The following RANBP2 variants were observed in gnomAD, a reference collection of about 807,000 sequenced individuals.
RANBP2 encodes the protein RAN binding protein 2.
RANBP2 carries 57 observed loss-of-function variants against 303.6 expected under a neutral mutation model. The observed-to-expected ratio is 0.19, with a 90% CI of 0.15 to 0.23. The LOEUF (loss-of-function observed/expected upper bound fraction) is 0.23, where lower values mean the gene tolerates loss of function less well. RANBP2 is among the 10% of genes least tolerant of loss of function. The pLI is 1.00. For missense variants in RANBP2, 3,138 were observed against 3,780.8 expected (o/e 0.83, Z 4.46); for synonymous variants, 1,167 against 1,301.5 (o/e 0.90, Z 2.23).
chr2:109,614,675 C>T, the RANBP2 span: 41 of 1,485,694 alleles, frequency 2.8e-5, 1 homozygote, highest in East Asian at 1.1e-3. Context: ...TGGTGAACGC[C>T]GTGGCCACTG....
chr2:109,290,380 G>C, the RANBP2 span, among the ~76,000 whole-genome samples: 1 of 152,220 alleles, frequency 6.6e-6, no homozygotes, highest in Non-Finnish European at 1.5e-5. Flanking sequence ...AGGGATGAAT[G>C]TACCATAAAT....
At chr2:108,868,902 AAAGAAAAAAATGAAATTTTTTTC>A in the RANBP2 span, among the ~76,000 whole-genome samples, 1 of 151,888 alleles carries the variant, frequency 6.6e-6, no homozygotes, top group African/African-American at 2.4e-5. Context: ...ACCTTTTGTG[AAAGAAAAAAATGAAATTTTTTTC>A]TATTTGATTA....
chr2:108,926,065 C>A, the RANBP2 span, among the ~76,000 whole-genome samples: 2 of 152,200 alleles, frequency 1.3e-5, no homozygotes, highest in African/African-American at 2.4e-5. Flanking sequence ...ATGTTAGGTT[C>A]TCTCTGTAGG....
chr2:108,859,874 T>G, the RANBP2 span, among the ~76,000 whole-genome samples: 1 of 152,166 alleles, frequency 6.6e-6, no homozygotes, highest in African/African-American at 2.4e-5. Context: ...TTGTGTTGAA[T>G]CCATAGATTG....
chr2:108,724,154 G>GT (rs1010915458), intron 1 of RANBP2, among the ~76,000 whole-genome samples: 3 of 152,060 alleles, frequency 2.0e-5, no homozygotes, highest in Non-Finnish European at 2.9e-5. Flanking sequence ...TAGATGAGAG[G>GT]TTTTTTTGTT....
the RANBP2 span, among the ~76,000 whole-genome samples, chr2:109,602,301 A>C: frequency 6.8e-6 from 1 of 146,178 alleles, no homozygotes; most frequent in Non-Finnish European, 1.5e-5. Context: ...GATTAAGGAC[A>C]ATAAAATTAA....
chr2:109,029,710 C>T, the RANBP2 span, among the ~76,000 whole-genome samples: 4 of 152,200 alleles, frequency 2.6e-5, no homozygotes, highest in Non-Finnish European at 5.9e-5. Context: ...CCTCTCCTTT[C>T]CTGGCTGGAA....
chr2:109,093,899 C>G, the RANBP2 span, among the ~76,000 whole-genome samples: 5 of 152,208 alleles, frequency 3.3e-5, no homozygotes, highest in Non-Finnish European at 7.3e-5. Flanking sequence ...TCTGGGAAAA[C>G]CTCTGTTATT....
chr2:109,425,093 G>A, the RANBP2 span, among the ~76,000 whole-genome samples: 2 of 152,358 alleles, frequency 1.3e-5, no homozygotes, highest in Admixed American at 1.3e-4. Flanking sequence ...TGTTTGAGTG[G>A]CCTGGATAGA....
At chr2:108,736,615 G>C in intron 6 of RANBP2, among the ~76,000 whole-genome samples, 1 of 152,190 alleles carries the variant, frequency 6.6e-6, no homozygotes, top group Non-Finnish European at 1.5e-5. Context: ...TCTGTCATCA[G>C]ATGGCTAGGT....
chr2:109,226,659 G>A, the RANBP2 span, among the ~76,000 whole-genome samples: 8 of 151,998 alleles, frequency 5.3e-5, no homozygotes, highest in South Asian at 2.1e-4. Flanking sequence ...GACTTCTCCC[G>A]GGGCCATGCA....
chr2:109,028,457 G>A, the RANBP2 span, among the ~76,000 whole-genome samples: 492 of 152,268 alleles, frequency 3.2e-3, 2 homozygotes, highest in African/African-American at 0.011. Flanking sequence ...CCCCGTTGCT[G>A]GGAGGCCTGT....
At chr2:109,707,148 C>T in the RANBP2 span, among the ~76,000 whole-genome samples, 311 of 152,272 alleles carry the variant, frequency 2.0e-3, 1 homozygote, top group African/African-American at 7.1e-3. Flanking sequence ...TTTATATAAA[C>T]AATTTTAACT....
At chr2:109,609,086 C>T in the RANBP2 span, among the ~76,000 whole-genome samples, 2 of 152,186 alleles carry the variant, frequency 1.3e-5, no homozygotes, top group Non-Finnish European at 2.9e-5. Context: ...TAACCTGGCA[C>T]TATGTTATAA....
At chr2:108,877,358 C>T in the RANBP2 span, among the ~76,000 whole-genome samples, 2 of 151,768 alleles carry the variant, frequency 1.3e-5, no homozygotes, top group African/African-American at 2.4e-5. Flanking sequence ...CCTAGCTACT[C>T]GGGAGGCTGA....
the RANBP2 span, among the ~76,000 whole-genome samples, chr2:109,198,640 C>G: frequency 6.6e-6 from 1 of 152,222 alleles, no homozygotes; most frequent in South Asian, 2.1e-4. Flanking sequence ...GGTTTGTAGA[C>G]AGCCAGTGTC....
chr2:109,144,759 A>G, the RANBP2 span, among the ~76,000 whole-genome samples: 1 of 152,202 alleles, frequency 6.6e-6, no homozygotes, highest in Non-Finnish European at 1.5e-5. Context: ...GCCACCTCAC[A>G]CTGTCTGCAT....
At chr2:109,550,316 T>C in the RANBP2 span, among the ~76,000 whole-genome samples, 1 of 150,924 alleles carries the variant, frequency 6.6e-6, no homozygotes, top group East Asian at 2.0e-4. Context: ...AGTATCTTTT[T>C]TTTTTTTGTT....
chr2:109,426,405 C>CT, the RANBP2 span, among the ~76,000 whole-genome samples: 2 of 152,128 alleles, frequency 1.3e-5, no homozygotes, highest in Non-Finnish European at 2.9e-5. Context: ...TCATGGATGA[C>CT]TTTGAGTGGT....
Sources: allele counts gnomAD v4.1 joint callset (sites outside exome capture counted in the v4.1 genomes callset), GRCh38; gene constraint gnomAD v4.1.1; transcripts MANE v1.5; gene names NCBI Gene and HGNC (gene_info 2026-07-23, HGNC 2026-07-21).